The following TANC2 variants were observed in gnomAD, a reference collection of about 807,000 sequenced individuals.
The protein encoded by TANC2 is tetratricopeptide repeat, ankyrin repeat and coiled-coil containing 2, also known as protein TANC2.
Under a neutral mutation model 210.5 loss-of-function variants are expected in TANC2, and 26 were observed. That is an observed-to-expected ratio of 0.12 (90% confidence interval 0.09 to 0.17). TANC2 has a LOEUF of 0.17. TANC2 is among the 10% of genes least tolerant of loss of function. The probability of loss-of-function intolerance (pLI) is 1.00; values close to 1 mark genes in which losing one functional copy is unlikely to be tolerated. For missense variants in TANC2, 2,129 were observed against 2,608.9 expected (o/e 0.82, Z 4.01); for synonymous variants, 931 against 967.1 (o/e 0.96, Z 0.69).
At chr17:63,014,890 A>T (rs1398791081) in intron 2 of TANC2, among the ~76,000 whole-genome samples, 1 of 152,146 alleles carries the variant, frequency 6.6e-6, no homozygotes, top group African/African-American at 2.4e-5. Context: ...AGTGCTTTGT[A>T]TTGTGTATGC....
chr17:63,333,479 G>T (rs2045925534), intron 11 of TANC2, among the ~76,000 whole-genome samples: 1 of 152,184 alleles, frequency 6.6e-6, no homozygotes, highest in Non-Finnish European at 1.5e-5. Context: ...AACTTGAATG[G>T]ATGTGGGGTT....
At chr17:63,351,940 G>C (rs1356871368) in intron 13 of TANC2, among the ~76,000 whole-genome samples, 1 of 151,962 alleles carries the variant, frequency 6.6e-6, no homozygotes, top group Non-Finnish European at 1.5e-5. Context: ...TGAGAGAGAA[G>C]GTTTTTGTTG....
intron 4 of TANC2, among the ~76,000 whole-genome samples, chr17:63,104,255 A>G (rs1598404648): frequency 6.6e-6 from 1 of 152,158 alleles, no homozygotes; most frequent in Non-Finnish European, 1.5e-5. Flanking sequence ...ATTCTTGCCC[A>G]GTGCTCCTTC....
chr17:63,318,065 G>A (rs1218236393), intron 10 of TANC2, among the ~76,000 whole-genome samples: 2 of 152,142 alleles, frequency 1.3e-5, no homozygotes, highest in African/African-American at 4.8e-5. Context: ...TGTATCCAGT[G>A]ACCAAGAAAT....
chr17:63,325,869 G>A (rs2045630250), intron 11 of TANC2, among the ~76,000 whole-genome samples: 1 of 152,208 alleles, frequency 6.6e-6, no homozygotes, highest in South Asian at 2.1e-4. Flanking sequence ...TTCATAAACT[G>A]TAGATTGAAT....
At chr17:63,321,688 A>G (rs996686141) in intron 11 of TANC2, among the ~76,000 whole-genome samples, 1 of 152,156 alleles carries the variant, frequency 6.6e-6, no homozygotes, top group Non-Finnish European at 1.5e-5. Flanking sequence ...TTCACTGTTC[A>G]CTATCAGACA....
At chr17:63,359,348 ATTT>A (rs750516556) in intron 14 of TANC2, among the ~76,000 whole-genome samples, 2 of 134,840 alleles carry the variant, frequency 1.5e-5, no homozygotes, top group South Asian at 2.4e-4. Context: ...CTGCACCAGC[ATTT>A]TTTTTTTTTT....
chr17:63,399,120 A>G (rs2048261652), intron 19 of TANC2: 2 of 347,234 alleles, frequency 5.8e-6, no homozygotes, highest in Non-Finnish European at 1.1e-5. Flanking sequence ...TCTTTGCACC[A>G]GAGTCTTCTT....
In TANC2 at chr17:63,420,077, G is replaced by A. The variant is rs1409923369; in HGVS notation, c.4347G>A (p.Leu1449=). 1.1e-5 allele frequency: 17 copies of A among 1,552,146 alleles called. No homozygotes were observed. The highest frequency in any genetic ancestry group is 1.4e-5 in the Non-Finnish European group (16 of 1,147,158). The change falls in exon 28 of 28, where the codon CTG becomes CTA. Residue 1449 remains leucine (L), a synonymous_variant. Transcript: ENST00000689528. The surrounding 1 kb of genome is among the most constrained non-coding windows in gnomAD (Gnocchi z 4.2). Reference sequence around the variant, plus strand: ...ACAACCGTGAGATCCAGAGACTTCTGCTGAGAGTGGAAGAAGAGTGTAGAC... The same window carrying A: ...ACAACCGTGAGATCCAGAGACTTCTACTGAGAGTGGAAGAAGAGTGTAGAC...
rs2048919809 is a variant in TANC2 at position 63,418,091 on chromosome 17, T to TA, written c.4168-213dup. 6.6e-6 allele frequency among the ~76,000 whole-genome samples: 1 copy of TA among 152,166 alleles called. No individual in the cohort carries two copies. Among genetic ancestry groups the TA allele is most frequent in the Non-Finnish European group, 1.5e-5 (1 of 68,022 alleles). On this transcript the variant is annotated intron_variant, in intron 26 of 27. Transcript: ENST00000689528. This position sits in a 1 kb window ranked among gnomAD's most constrained non-coding sequence, Gnocchi z 4.6. ...AAACTATTTTAATATTCTGGGCAGA[T>TA]AAAGTCCAGTGAGCAGTCGCAGCGC... is the stretch of plus-strand genomic sequence containing the variant.
At chr17:62,997,889 AGT>A (rs1312569035) in intron 1 of TANC2, among the ~76,000 whole-genome samples, 23 of 152,182 alleles carry the variant, frequency 1.5e-4, no homozygotes, top group Admixed American at 1.5e-3. Flanking sequence ...TTAAGCAGGA[AGT>A]AGATATAGAA....
At chr17:63,424,194 TATGCCGCTG>T (rs1211445841) in exon 28 of TANC2, 1 of 152,272 alleles carries the variant, frequency 6.6e-6, no homozygotes, top group African/African-American at 2.4e-5. Flanking sequence ...GCTTTACAAA[TATGCCGCTG>T]ATGCCGCTTC....
chr17:63,220,263 C>G lies in TANC2; in HGVS notation c.770-17551C>G, dbSNP rs1300785129. ...GGAGCCAAGATCGTGCCATTGCACTCCAACCTGGGTGACAGAGCAAGACTC... is the reference window on the plus strand; with the variant it reads ...GGAGCCAAGATCGTGCCATTGCACTGCAACCTGGGTGACAGAGCAAGACTC... On this transcript the variant is annotated intron_variant, in intron 7 of 27. Transcript: ENST00000689528. 2.0e-5 allele frequency among the ~76,000 whole-genome samples: 3 copies of G among 151,270 alleles called. No individual in the cohort carries two copies. In the East Asian group the frequency reaches 5.8e-4, roughly 29 times the overall value.
At chr17:63,146,827 G>A (rs1025455937) in intron 4 of TANC2, among the ~76,000 whole-genome samples, 2 of 152,158 alleles carry the variant, frequency 1.3e-5, no homozygotes, top group Non-Finnish European at 2.9e-5. Context: ...TAGCATTCCT[G>A]TGTGATGAAT....
At chr17:63,070,228 A>G (rs1201592924) in intron 2 of TANC2, among the ~76,000 whole-genome samples, 2 of 152,230 alleles carry the variant, frequency 1.3e-5, no homozygotes, top group African/African-American at 4.8e-5. Flanking sequence ...TTAAGGGGAA[A>G]AAAAATCTCT....
intron 9 of TANC2, among the ~76,000 whole-genome samples, chr17:63,278,087 C>A (rs1331939789): frequency 6.6e-6 from 1 of 152,114 alleles, no homozygotes; most frequent in East Asian, 1.9e-4. Flanking sequence ...GAGTCCAAGG[C>A]TGCAGCTTCA....
rs371685807 is a variant in TANC2 at position 63,351,363 on chromosome 17, G to A, written c.1921G>A (p.Gly641Arg). 73 of 1,609,884 alleles carry A rather than the reference G, an allele frequency of 4.5e-5. No homozygotes were observed. The East Asian group carries it at 7.4e-4, about 16-fold the overall frequency. The stretch of plus-strand genomic sequence containing the variant: ...TGTATCGTTTCTGAGTAAAATGATC[G>A]GAAAGTTTCCTTCTTGGCTCAAACT... The change falls in exon 13 of 28, where the codon GGA becomes AGA. Residue 641 changes from glycine (G) to arginine (R), a missense_variant. This residue lies in a region of TANC2 where 739 missense variants were observed against 848.0 expected (regional missense o/e 0.87). Transcript: ENST00000689528.
At chr17:63,400,069 A>T (rs1051634282) in intron 19 of TANC2, among the ~76,000 whole-genome samples, 2 of 152,210 alleles carry the variant, frequency 1.3e-5, no homozygotes, top group Non-Finnish European at 2.9e-5. Flanking sequence ...GCAGGACATC[A>T]GCCGCTCTGG....
intron 21 of TANC2, among the ~76,000 whole-genome samples, chr17:63,409,401 G>A (rs2048618724): frequency 6.6e-6 from 1 of 152,062 alleles, no homozygotes. Context: ...GCCCAGGCTG[G>A]TCTCAGATTT....
Sources: allele counts gnomAD v4.1 joint callset (sites outside exome capture counted in the v4.1 genomes callset), GRCh38; gene constraint gnomAD v4.1.1; regional missense constraint gnomAD v4.1.1; non-coding constraint Gnocchi (gnomAD v3.1); transcripts MANE v1.5; gene names NCBI Gene and HGNC (gene_info 2026-07-23, HGNC 2026-07-21).